COL18A1: variants seen among roughly 807,000 people sequenced by gnomAD.
The protein encoded by COL18A1 is collagen alpha-1(XVIII) chain.
A neutral mutation model predicts 168.0 loss-of-function variants in COL18A1; 133 were observed. That is an observed-to-expected ratio of 0.79 (90% confidence interval 0.69 to 0.91). The LOEUF (loss-of-function observed/expected upper bound fraction) is 0.91, where lower values mean the gene tolerates loss of function less well. Ranked by LOEUF, COL18A1 falls within the 40% of genes least tolerant of loss-of-function variation. The probability of loss-of-function intolerance (pLI) is 0.00; values close to 1 mark genes in which losing one functional copy is unlikely to be tolerated. For missense variants in COL18A1, 2,126 were observed against 1,925.4 expected, an observed-to-expected ratio of 1.10 and a Z score of -1.95; for synonymous variants, 949 against 809.0, an observed-to-expected ratio of 1.17 and a Z score of -2.94.
intron 2 of COL18A1, among the ~76,000 whole-genome samples, chr21:45,442,085 T>G (rs2034384809): frequency 6.6e-6 from 1 of 152,140 alleles, no homozygotes; most frequent in African/African-American, 2.4e-5. Flanking sequence ...GGAGGCCCAT[T>G]TGCCCTGACT....
At chr21:45,454,372 G>A (rs1339100009) in intron 2 of COL18A1, among the ~76,000 whole-genome samples, 1 of 152,200 alleles carries the variant, frequency 6.6e-6, no homozygotes, top group African/African-American at 2.4e-5. Flanking sequence ...CCCTGGGGGA[G>A]GGTGGCTGCA....
intron 2 of COL18A1, among the ~76,000 whole-genome samples, chr21:45,418,691 C>T (rs1042798762): frequency 1.7e-4 from 26 of 150,380 alleles, no homozygotes; most frequent in African/African-American, 6.1e-4. Flanking sequence ...GAAGCGGCAC[C>T]TCCTCAGGGG....
At chr21:45,418,351 A>T (rs1469158065) in intron 2 of COL18A1, among the ~76,000 whole-genome samples, 1 of 151,706 alleles carries the variant, frequency 6.6e-6, no homozygotes, top group East Asian at 2.0e-4. Context: ...CTGGGGAGGG[A>T]TGTCTCTGGC....
intron 2 of COL18A1, among the ~76,000 whole-genome samples, chr21:45,429,665 G>A (rs1049100548): frequency 6.6e-6 from 1 of 152,204 alleles, no homozygotes; most frequent in African/African-American, 2.4e-5. Context: ...GGACGGTGGA[G>A]CTGGGAGCCT....
chr21:45,479,734 G>A (rs895444371), intron 9 of COL18A1, among the ~76,000 whole-genome samples, 168 bp from the exon 10 acceptor site: 4 of 152,190 alleles, frequency 2.6e-5, no homozygotes, highest in South Asian at 4.1e-4. Context: ...GGGCTCAGGC[G>A]GGAGACAGTC....
In COL18A1 at chr21:45,471,539, C is replaced by A. The variant is rs1357067165; in HGVS notation, c.652-2356C>A. ...CTGCCACAGATGGTGCCTGGGACCC[C>A]CGGCCGCAGCTGGGTCCAACAGAGC... is the stretch of plus-strand genomic sequence containing the variant. On this transcript the variant is annotated intron_variant, in intron 3 of 41. Coordinates refer to ENST00000651438, the MANE Select transcript of COL18A1 (RefSeq NM_001379500.1). This position sits in a 1 kb window ranked among gnomAD's most constrained non-coding sequence, Gnocchi z 4.4. 1.3e-5 allele frequency among the ~76,000 whole-genome samples: 2 copies of A among 152,214 alleles called. No individual in the cohort carries two copies. The highest frequency in any genetic ancestry group is 2.9e-5 in the Non-Finnish European group (2 of 68,042).
intron 2 of COL18A1, among the ~76,000 whole-genome samples, chr21:45,430,144 C>A (rs2033916200): frequency 6.7e-6 from 1 of 148,796 alleles, no homozygotes; most frequent in African/African-American, 2.6e-5. Flanking sequence ...GCCCTCTCGC[C>A]CTCGCCTGCA....
chr21:45,405,287 G>GGTC, intron 1 of COL18A1, 46 bp downstream of exon 1: 1 of 427,748 alleles, frequency 2.3e-6, no homozygotes. Flanking sequence ...CCAAGATGCG[G>GGTC]CTGCGGGGGT....
Position 45,455,730 on chromosome 21 carries a change from G to A in COL18A1, c.107-12512G>A, listed in dbSNP as rs747435605. ...GATACCACCACACACGTGACCCCCC[G>A]GAATGGTTCCACAGAGCCAGCGACA... On this transcript the variant is annotated intron_variant, in intron 2 of 41. Coordinates refer to ENST00000651438, the MANE Select transcript of COL18A1 (RefSeq NM_001379500.1). The A allele has an allele frequency of 2.7e-5, 44 of 1,613,740 alleles. 1 individual carries two copies. The Middle Eastern group carries it at 1.5e-3, about 54-fold the overall frequency.
chr21:45,434,492 G>A (rs2145790171), intron 2 of COL18A1, among the ~76,000 whole-genome samples: 1 of 152,290 alleles, frequency 6.6e-6, no homozygotes, highest in Admixed American at 6.5e-5. Context: ...CAGGCCAGAG[G>A]CTGGGACTCC....
intron 2 of COL18A1, chr21:45,456,218 T>TG: frequency 6.2e-7 from 1 of 1,606,040 alleles, no homozygotes; most frequent in Non-Finnish European, 8.5e-7. Context: ...GGCCCCTCCC[T>TG]GGGGAAGCCT....
At position 45,476,448 on chromosome 21, in the gene COL18A1, T is replaced by A. The variant is rs1398304984; in HGVS notation, c.896T>A (p.Val299Asp). The A allele has an allele frequency of 6.2e-7, 1 of 1,613,482 alleles. No individual in the cohort carries two copies. The highest frequency in any genetic ancestry group is 8.5e-7 in the Non-Finnish European group (1 of 1,179,844). The change falls in exon 6 of 42, where the codon GTC becomes GAC. Residue 299 changes from valine (V) to aspartate (D), a missense_variant. By Grantham distance (152) the Val-to-Asp change is radical. Transcript: ENST00000651438. ...ACGGAAGATTCCAGAAGTGAAGAAGTCGAGGAGCAGACCACGGTGGCTTCG... is the reference window on the plus strand; with the variant it reads ...ACGGAAGATTCCAGAAGTGAAGAAGACGAGGAGCAGACCACGGTGGCTTCG... ...SSTEDSRSEE[V>D]EEQTTVASLG... is the part of the protein sequence containing the mutation.
intron 2 of COL18A1, among the ~76,000 whole-genome samples, chr21:45,461,145 G>T (rs1166424038): frequency 6.6e-6 from 1 of 152,104 alleles, no homozygotes; most frequent in Non-Finnish European, 1.5e-5. Flanking sequence ...GTGTACATTA[G>T]ACCTCTAGAA....
chr21:45,408,683 T>C (rs2033195847), intron 2 of COL18A1: 1 of 152,014 alleles, frequency 6.6e-6, no homozygotes, highest in Non-Finnish European at 1.5e-5. Context: ...GCAGGGAGTA[T>C]GCAGGCAGCT....
At chr21:45,421,457 G>A in intron 2 of COL18A1, 1 of 534,612 alleles carries the variant, frequency 1.9e-6, no homozygotes, top group South Asian at 1.4e-5. Context: ...GACAGCCCTG[G>A]CGTCTCAGGA....
intron 17 of COL18A1, among the ~76,000 whole-genome samples, chr21:45,487,819 C>T (rs1161375864): frequency 6.6e-6 from 1 of 152,238 alleles, no homozygotes; most frequent in Non-Finnish European, 1.5e-5. Flanking sequence ...CAAGTCATCA[C>T]ATTCTTTTTG....
chr21:45,500,296 GTA>G (rs1568933430), intron 32 of COL18A1, among the ~76,000 whole-genome samples: 1 of 130,024 alleles, frequency 7.7e-6, no homozygotes, highest in Non-Finnish European at 1.7e-5. Flanking sequence ...TGTGTGGAGT[GTA>G]TATGTGGGTG....
intron 2 of COL18A1, among the ~76,000 whole-genome samples, chr21:45,428,730 G>C (rs2033875206): frequency 6.6e-6 from 1 of 152,062 alleles, no homozygotes. Flanking sequence ...TTTGTTTCGG[G>C]CTCCTCTCAC....
chr21:45,418,087 C>T (rs966270715), intron 2 of COL18A1, among the ~76,000 whole-genome samples: 7 of 152,230 alleles, frequency 4.6e-5, no homozygotes, highest in Admixed American at 1.3e-4. Context: ...GGGCGCCTGG[C>T]GTGGGGCTGG....
Sources: allele counts gnomAD v4.1 joint callset (sites outside exome capture counted in the v4.1 genomes callset), GRCh38; gene constraint gnomAD v4.1.1; non-coding constraint Gnocchi (gnomAD v3.1); transcripts MANE v1.5; gene names NCBI Gene and HGNC (gene_info 2026-07-23, HGNC 2026-07-21).